HDHD2: variants seen among roughly 807,000 people sequenced by gnomAD.
HDHD2 encodes the protein haloacid dehalogenase-like hydrolase domain-containing protein 2.
HDHD2 carries 26 observed loss-of-function variants against 24.8 expected under a neutral mutation model. The observed-to-expected ratio is 1.05, with a 90% confidence interval of 0.77 to 1.45. The LOEUF (loss-of-function observed/expected upper bound fraction) is 1.45. HDHD2 is among the 40% of genes most tolerant of loss of function. The probability of loss-of-function intolerance (pLI) is 0.00; values close to 1 mark genes in which losing one functional copy is unlikely to be tolerated. For missense variants in HDHD2, 299 were observed against 313.4 expected (o/e 0.95, Z 0.35); for synonymous variants, 128 against 114.9 (o/e 1.11, Z -0.73).
At chr18:47,133,784 A>C (rs1279254056) in intron 3 of HDHD2, among the ~76,000 whole-genome samples, 1 of 152,088 alleles carries the variant, frequency 6.6e-6, no homozygotes, top group African/African-American at 2.4e-5. Flanking sequence ...TCTCCTTTTG[A>C]GAAGTGTCTG....
chr18:47,113,091 C>A (rs1256086957), intron 5 of HDHD2, 51 bp from the exon 6 acceptor site: 2 of 1,469,884 alleles, frequency 1.4e-6, no homozygotes, highest in Non-Finnish European at 1.9e-6. Flanking sequence ...GTAAGCTAGC[C>A]AACAAACATT....
chr18:47,112,937 T>G lies in HDHD2; in HGVS notation c.676+40A>C, dbSNP rs1272846638. ...TTCTTTAAGCAACTGTGTATTCTAC[T>G]ATTCTGTTTTAGAAAATGCTTTATA... On this transcript the variant is annotated intron_variant, in intron 6 of 6. Coordinates refer to ENST00000300605, the MANE Select transcript of HDHD2 (RefSeq NM_032124.5). 38 of 1,514,696 alleles carry G rather than the reference T, an allele frequency of 2.5e-5. No homozygotes were observed. The East Asian group carries it at 8.6e-4, about 34-fold the overall frequency. The allele number at this position is 1,514,696 out of a possible 1,614,324, so 93.8% of individuals were successfully genotyped here.
At chr18:47,122,873 A>T (rs1481604071) in intron 4 of HDHD2, among the ~76,000 whole-genome samples, 1 of 152,122 alleles carries the variant, frequency 6.6e-6, no homozygotes, top group Non-Finnish European at 1.5e-5. Context: ...TGCTATTTCT[A>T]GTTATAATCA....
chr18:47,115,553 G>A (rs2063552249), intron 4 of HDHD2, among the ~76,000 whole-genome samples: 1 of 148,446 alleles, frequency 6.7e-6, no homozygotes, highest in Non-Finnish European at 1.5e-5. Context: ...AAAGGTGATA[G>A]ATTATTAAAT....
chr18:47,115,365 CA>C lies in HDHD2; in HGVS notation c.396-18del, dbSNP rs758389437. 2.3e-5 allele frequency: 36 copies of C among 1,573,690 alleles called. No individual in the cohort carries two copies. The highest frequency in any genetic ancestry group is 1.6e-4 in the African/African-American group (12 of 73,188). On this transcript the variant is annotated intron_variant, in intron 4 of 6. Transcript: ENST00000300605. Reference sequence around the variant, plus strand: ...AGGAGTAACCTAGAGAGAACAACAACAAAAAAAACAAATTGGCTAAAAGCAA... The same window carrying C: ...AGGAGTAACCTAGAGAGAACAACAACAAAAAAACAAATTGGCTAAAAGCAA...
rs377362418 is a variant in HDHD2 at position 47,136,375 on chromosome 18, T to C, written c.65A>G (p.Asp22Gly). Residue 22 changes from aspartate to glycine, a missense_variant, in exon 2 of 7, where the codon GAT (aspartate) becomes GGT (glycine). By Grantham distance (94) the Asp-to-Gly change is moderately conservative. Coordinates refer to ENST00000300605, the MANE Select transcript of HDHD2 (RefSeq NM_032124.5). ...VDLSGTLHIE[D>G]AAVPGAQEAL... Reference sequence around the variant, plus strand: ...TTCCTGTGCGCCTGGCACAGCTGCATCTTCAATGTGAAGTGTGCCACTGAG... The same window carrying C: ...TTCCTGTGCGCCTGGCACAGCTGCACCTTCAATGTGAAGTGTGCCACTGAG... The C allele has an allele frequency of 1.7e-5, 27 of 1,613,352 alleles. No homozygotes were observed. Among genetic ancestry groups the C allele is most frequent in the Non-Finnish European group, 2.2e-5 (26 of 1,179,838 alleles).
intron 4 of HDHD2, among the ~76,000 whole-genome samples, chr18:47,120,081 G>A (rs2063591548): frequency 6.6e-6 from 1 of 152,166 alleles, no homozygotes; most frequent in Admixed American, 6.6e-5. Flanking sequence ...CATTTATAGA[G>A]CACAGGTTTG....
intron 6 of HDHD2, chr18:47,109,843 A>C (rs915221639): frequency 3.4e-6 from 1 of 295,822 alleles, no homozygotes; most frequent in Admixed American, 6.5e-5. Context: ...ACATTTAAGA[A>C]GACTAAGTTA....
At chr18:47,150,175 A>G (rs901022176) in intron 1 of HDHD2, 1 of 152,352 alleles carries the variant, frequency 6.6e-6, no homozygotes, top group Non-Finnish European at 1.5e-5. Context: ...GCGCCCAGCT[A>G]TGCGCACGCG....
chr18:47,125,495 T>C (rs2063649939), intron 4 of HDHD2, among the ~76,000 whole-genome samples: 1 of 152,166 alleles, frequency 6.6e-6, no homozygotes, highest in Admixed American at 6.5e-5. Context: ...CCCATGTCCA[T>C]TAACAGCAGA....
Position 47,115,253 on chromosome 18 carries a change from G to A in HDHD2, c.491C>T (p.Thr164Ile). The change falls in exon 5 of 7, where the codon ACT (threonine) becomes ATT (isoleucine). Residue 164 changes from threonine (T) to isoleucine (I), a missense_variant. By Grantham distance (89) the Thr-to-Ile change is moderately conservative. Transcript: ENST00000300605. ...GGTATCTGTGGCATACTCTAAAGCA[G>A]TCACAAATGGTCCAGGCCCCAGGGC... The part of the protein sequence containing the change: ...GLALGPGPFV[T>I]ALEYATDTKA... 1 of 1,614,048 alleles carries A rather than the reference G, an allele frequency of 6.2e-7. No homozygotes were observed. The highest frequency in any genetic ancestry group is 8.5e-7 in the Non-Finnish European group (1 of 1,179,914).
chr18:47,110,588 T>C (rs1050328810), intron 6 of HDHD2: 4 of 985,230 alleles, frequency 4.1e-6, no homozygotes, highest in Middle Eastern at 5.2e-4. Flanking sequence ...TTCTACAAAA[T>C]AGAAATTGAC....
At chr18:47,119,097 T>C (rs562901669) in intron 4 of HDHD2, among the ~76,000 whole-genome samples, 16 of 152,244 alleles carry the variant, frequency 1.1e-4, no homozygotes, top group Non-Finnish European at 2.1e-4. Flanking sequence ...CATCTGAGCC[T>C]TCAGGGAGTC....
At chr18:47,111,221 T>C in intron 6 of HDHD2, 1 of 985,276 alleles carries the variant, frequency 1.0e-6, no homozygotes, top group Non-Finnish European at 1.2e-6. Flanking sequence ...GAGACTAAAC[T>C]GATGCCTGTG....
intron 4 of HDHD2, among the ~76,000 whole-genome samples, chr18:47,126,763 A>G (rs2063662540): frequency 6.6e-6 from 1 of 152,126 alleles, no homozygotes; most frequent in Non-Finnish European, 1.5e-5. Flanking sequence ...TTTTTCCCCA[A>G]AATTCCTTTG....
At chr18:47,113,109 G>T in intron 5 of HDHD2, 69 bp from the exon 6 acceptor site, 1 of 1,283,532 alleles carries the variant, frequency 7.8e-7, no homozygotes, top group South Asian at 1.2e-5. Context: ...ATTACCAACT[G>T]ATTTATTAGG....
chr18:47,114,070 C>T (rs1485943738), intron 5 of HDHD2, among the ~76,000 whole-genome samples: 1 of 152,176 alleles, frequency 6.6e-6, no homozygotes, highest in Non-Finnish European at 1.5e-5. Flanking sequence ...ATTCTGAAGG[C>T]TCCAGCTCAG....
intron 1 of HDHD2, among the ~76,000 whole-genome samples, chr18:47,142,795 T>C (rs1026384130): frequency 2.0e-5 from 3 of 152,162 alleles, no homozygotes; most frequent in African/African-American, 7.2e-5. Flanking sequence ...TACACCTTAG[T>C]TGGGAAAACC....
chr18:47,116,072 T>A (rs1439222028), intron 4 of HDHD2, among the ~76,000 whole-genome samples: 1 of 152,134 alleles, frequency 6.6e-6, no homozygotes, highest in African/African-American at 2.4e-5. Context: ...AAATTCTACC[T>A]ATAGCTAAGA....
Sources: allele counts gnomAD v4.1 joint callset (sites outside exome capture counted in the v4.1 genomes callset), GRCh38; gene constraint gnomAD v4.1.1; transcripts MANE v1.5; gene names NCBI Gene and HGNC (gene_info 2026-07-23, HGNC 2026-07-21).